The following FNBP1 variants were observed in gnomAD, a reference collection of about 807,000 sequenced individuals.
FNBP1 encodes the protein formin-binding protein 1.
Under a neutral mutation model 90.6 loss-of-function variants are expected in FNBP1, and 26 were observed. That is an observed-to-expected ratio of 0.29 (90% confidence interval 0.21 to 0.40). The LOEUF (loss-of-function observed/expected upper bound fraction) is 0.40, where lower values mean the gene tolerates loss of function less well. FNBP1 is among the 10% of genes least tolerant of loss of function. The pLI is 1.00. For missense variants in FNBP1, 635 were observed against 768.0 expected (o/e 0.83, Z 2.05); for synonymous variants, 260 against 265.2 (o/e 0.98, Z 0.19).
intron 7 of FNBP1, 97 bp downstream of exon 7, chr9:129,929,470 C>A: frequency 4.7e-6 from 4 of 842,520 alleles, no homozygotes; most frequent in Admixed American, 2.4e-5. Flanking sequence ...AAGACTCAGA[C>A]TCAGAATACA....
At chr9:129,958,985 C>CAGAAAAAAAAAAAAAA (rs2047365949) in intron 4 of FNBP1, among the ~76,000 whole-genome samples, 1 of 9,154 alleles carries the variant, frequency 1.1e-4, no homozygotes, top group Admixed American at 2.5e-3. Context: ...AACTCTGCCT[C>CAGAAAAAAAAAAAAAA]AAAAAAAAAA....
At chr9:129,999,027 A>G (rs1360685292) in intron 1 of FNBP1, among the ~76,000 whole-genome samples, 1 of 152,250 alleles carries the variant, frequency 6.6e-6, no homozygotes, top group African/African-American at 2.4e-5. Context: ...TCTCACTATC[A>G]CATGAACTGC....
At chr9:129,965,708 G>GCACGCGCACA (rs1554821704) in intron 4 of FNBP1, among the ~76,000 whole-genome samples, 3 of 145,446 alleles carry the variant, frequency 2.1e-5, no homozygotes, top group African/African-American at 7.6e-5. Flanking sequence ...GCGCGCGCGC[G>GCACGCGCACA]CACACACACA....
At chr9:130,053,841 C>T in the FNBP1 span, 1 of 1,267,192 alleles carries the variant, frequency 7.9e-7, no homozygotes, top group Non-Finnish European at 1.1e-6. Context: ...GAGCTAGCCG[C>T]CGAGCCCCGC....
chr9:129,901,235 G>A (rs918762389), intron 13 of FNBP1, among the ~76,000 whole-genome samples: 3 of 151,452 alleles, frequency 2.0e-5, no homozygotes, highest in East Asian at 1.9e-4. Flanking sequence ...GTGAAACGCT[G>A]TCTCTACTAA....
At chr9:130,014,332 A>T (rs1200686023) in intron 1 of FNBP1, among the ~76,000 whole-genome samples, 2 of 150,704 alleles carry the variant, frequency 1.3e-5, no homozygotes, top group Admixed American at 6.6e-5. Context: ...GTTCACGGCA[A>T]CCTCTGCCTC....
At chr9:129,934,484 G>C (rs1362095697) in intron 6 of FNBP1, among the ~76,000 whole-genome samples, 1 of 152,100 alleles carries the variant, frequency 6.6e-6, no homozygotes, top group Non-Finnish European at 1.5e-5. Context: ...ATTTAAACTT[G>C]AGAATTTTTT....
intron 1 of FNBP1, among the ~76,000 whole-genome samples, chr9:129,995,835 C>A (rs935230917): frequency 7.9e-5 from 12 of 152,194 alleles, no homozygotes; most frequent in African/African-American, 2.9e-4. Context: ...CAGCTCAGAG[C>A]TAGATCACCC....
chr9:129,903,111 C>T, intron 12 of FNBP1, 110 bp from the exon 13 acceptor site: 1 of 1,071,578 alleles, frequency 9.3e-7, no homozygotes, highest in East Asian at 2.6e-5. Context: ...CGGCTCACTG[C>T]AACGATCTTG....
chr9:129,964,328 A>G (rs2048261927), intron 4 of FNBP1, among the ~76,000 whole-genome samples: 1 of 152,170 alleles, frequency 6.6e-6, no homozygotes, highest in South Asian at 2.1e-4. Flanking sequence ...TTTCTCTCCT[A>G]TCAGAAAAGA....
chr9:130,035,889 T>C (rs2059266922), intron 1 of FNBP1, among the ~76,000 whole-genome samples: 1 of 152,240 alleles, frequency 6.6e-6, no homozygotes, highest in South Asian at 2.1e-4. Context: ...GAGGTTGCAG[T>C]GAGCTGAGAT....
chr9:129,955,835 G>GCA lies in FNBP1; in HGVS notation c.513+1523_513+1524dup, dbSNP rs57433578. On this transcript the variant is annotated intron_variant, in intron 6 of 16. Coordinates refer to ENST00000446176, the MANE Select transcript of FNBP1 (RefSeq NM_015033.3). ...TATACATATATACTTCTTTTAGCGC[G>GCA]CACACACACACACACACACACACAC... Among the ~76,000 whole-genome samples, 87 of 140,714 alleles carry GCA rather than the reference G, an allele frequency of 6.2e-4. 1 individual carries two copies. The highest frequency in any genetic ancestry group is 2.7e-3 in the East Asian group (13 of 4,884). 92.3% of individuals were successfully genotyped at this position (140,714 alleles called of 152,430 possible).
At chr9:129,943,919 G>A (rs926998803) in intron 6 of FNBP1, among the ~76,000 whole-genome samples, 7 of 144,566 alleles carry the variant, frequency 4.8e-5, no homozygotes, top group Admixed American at 2.1e-4. Context: ...CGTGAACCTG[G>A]GAAGCAGAGC....
intron 15 of FNBP1, 64 bp downstream of exon 15, chr9:129,899,901 G>T: frequency 7.4e-7 from 1 of 1,357,928 alleles, no homozygotes. Context: ...AAAAGTGAAA[G>T]AAGAGTAACT....
At chr9:129,933,511 T>C (rs1270182062) in intron 6 of FNBP1, 1 of 152,168 alleles carries the variant, frequency 6.6e-6, no homozygotes, top group Non-Finnish European at 1.5e-5. Context: ...CCTGTTTCTA[T>C]GCAGTAATCC....
At chr9:129,979,420 TAAG>T in intron 2 of FNBP1, 46 bp from the exon 3 acceptor site, 3 of 1,360,666 alleles carry the variant, frequency 2.2e-6, no homozygotes, top group Non-Finnish European at 3.1e-6. Context: ...GAAAGAGAAT[TAAG>T]AAATCAGGAA....
intron 6 of FNBP1, among the ~76,000 whole-genome samples, chr9:129,943,137 C>T (rs939764982): frequency 7.9e-5 from 12 of 152,178 alleles, no homozygotes; most frequent in Admixed American, 3.9e-4. Context: ...ACCTCAGTGG[C>T]GCTTTCTCTT....
chr9:130,043,460 C>T (rs1213270273), upstream of FNBP1, among the ~76,000 whole-genome samples: 2 of 152,260 alleles, frequency 1.3e-5, no homozygotes, highest in African/African-American at 4.8e-5. Flanking sequence ...GCAGTACTAG[C>T]GCTTGCCTTG....
At position 129,955,428 on chromosome 9, in the gene FNBP1, G is replaced by T. The variant is rs113913116; in HGVS notation, c.513+1932C>A. Among the ~76,000 whole-genome samples, 397 of 151,632 alleles carry T rather than the reference G, an allele frequency of 2.6e-3. 2 individuals are homozygous for T. The highest frequency in any genetic ancestry group is 8.7e-3 in the African/African-American group (360 of 41,322). ...TTTCTGTATTTTTTATGGAGAAAGG[G>T]TCTCACCATGTTGCCCAGGCTGGAT... On this transcript the variant is annotated intron_variant, in intron 6 of 16. Transcript: ENST00000446176.
Sources: gnomAD v4.1 joint callset for allele counts (sites outside exome capture counted in the v4.1 genomes callset) on GRCh38, gnomAD v4.1.1 for gene constraint, MANE v1.5 for transcripts, NCBI Gene and HGNC (gene_info 2026-07-23, HGNC 2026-07-21) for gene names.